MDGA2: variants seen among roughly 807,000 people sequenced by gnomAD.
MDGA2 encodes the protein MAM domain containing glycosylphosphatidylinositol anchor 2.
In MDGA2, 40 loss-of-function variants were observed where a neutral mutation model predicts 117.8. That is an observed-to-expected ratio of 0.34 (90% CI 0.26 to 0.44). MDGA2 has a LOEUF of 0.44. Among genes scored for constraint, MDGA2 ranks in the 20% least tolerant of loss-of-function variants. The pLI, the probability that MDGA2 is intolerant of heterozygous loss-of-function variation, is 1.00. For synonymous variants in MDGA2, 452 were observed against 439.0 expected (o/e 1.03, Z -0.37); for missense variants, 1,123 against 1,250.6 (o/e 0.90, Z 1.54).
At position 47,105,472 on chromosome 14, in the gene MDGA2, G is replaced by A. The variant is rs1046063564; in HGVS notation, c.926-8349C>T. On this transcript the variant is annotated intron_variant, in intron 5 of 16. Coordinates refer to ENST00000399232, the MANE Select transcript of MDGA2 (RefSeq NM_001113498.3). ...ATTCCTCCTTCTTCTCCCTTAGCCTGTGTTCTCAAAAACTTAAAACCTCTT... is the reference window on the plus strand; with the variant it reads ...ATTCCTCCTTCTTCTCCCTTAGCCTATGTTCTCAAAAACTTAAAACCTCTT... Among the ~76,000 whole-genome samples, 8 of 151,350 alleles carry A rather than the reference G, an allele frequency of 5.3e-5. No homozygotes were observed. The South Asian group carries it at 1.5e-3, about 28-fold the overall frequency.
At chr14:47,556,544 A>C (rs1566513267) in intron 1 of MDGA2, among the ~76,000 whole-genome samples, 2 of 152,224 alleles carry the variant, frequency 1.3e-5, no homozygotes, top group Non-Finnish European at 2.9e-5. Flanking sequence ...CCTTGAGCAG[A>C]ACAACAGAGA....
chr14:47,549,343 A>ATCTCTCTCTCTCTCTC (rs3039661), intron 1 of MDGA2, among the ~76,000 whole-genome samples: 15,708 of 139,742 alleles, frequency 0.11, 1,065 homozygotes, highest in Middle Eastern at 0.17. Context: ...CACCAGTATT[A>ATCTCTCTCTCTCTCTC]TCTCTCTCTC....
intron 7 of MDGA2, among the ~76,000 whole-genome samples, chr14:47,051,325 C>T (rs955337196): frequency 2.6e-5 from 4 of 151,734 alleles, no homozygotes; most frequent in African/African-American, 9.7e-5. Flanking sequence ...TTTTATGAAA[C>T]AAATATGTGG....
chr14:47,119,183 C>CCG (rs1555355028), intron 5 of MDGA2, among the ~76,000 whole-genome samples: 3 of 53,626 alleles, frequency 5.6e-5, no homozygotes, highest in South Asian at 9.8e-4. Flanking sequence ...CGCCCCCCCC[C>CCG]CCCCACCCCG....
rs17118389 is a variant in MDGA2, at chr14:47,354,624, C to T, written c.281-53074G>A. 3.3e-3 allele frequency among the ~76,000 whole-genome samples: 508 copies of T among 152,256 alleles called. 16 individuals carry two copies. In the East Asian group the frequency reaches 0.069, roughly 21 times the overall value. The stretch of plus-strand genomic sequence containing the variant: ...ATGAAAGGCTCTTTTCACCTCTCTT[C>T]GGGGAGGCACTGCTTTGAGAACTAT... On this transcript the variant is annotated intron_variant, in intron 1 of 16. Coordinates refer to ENST00000399232, the MANE Select transcript of MDGA2 (RefSeq NM_001113498.3).
intron 9 of MDGA2, among the ~76,000 whole-genome samples, chr14:46,952,745 C>T (rs1292355367): frequency 1.3e-5 from 2 of 151,828 alleles, no homozygotes; most frequent in Admixed American, 1.3e-4. Context: ...TGAAGAAAGG[C>T]AGAGTCCCAC....
At chr14:46,915,903 C>G (rs1201077031) in intron 10 of MDGA2, among the ~76,000 whole-genome samples, 1 of 152,172 alleles carries the variant, frequency 6.6e-6, no homozygotes, top group Non-Finnish European at 1.5e-5. Context: ...GAGGAGCTCA[C>G]AGGATCTTGG....
At chr14:47,638,103 AC>A (rs761340299) in intron 1 of MDGA2, among the ~76,000 whole-genome samples, 5 of 152,200 alleles carry the variant, frequency 3.3e-5, no homozygotes, top group Non-Finnish European at 7.3e-5. Flanking sequence ...CCTGACATCC[AC>A]AGTCAGAAAT....
chr14:47,233,683 C>T (rs943016731), intron 2 of MDGA2, among the ~76,000 whole-genome samples: 5 of 152,000 alleles, frequency 3.3e-5, no homozygotes, highest in African/African-American at 7.2e-5. Flanking sequence ...ACGCAAAGGG[C>T]GGGAAAACAA....
chr14:47,567,376 A>T lies in MDGA2; in HGVS notation c.280+107141T>A, dbSNP rs529933137. Among the ~76,000 whole-genome samples the T allele has an allele frequency of 3.3e-5, 5 of 152,322 alleles. No homozygotes were observed. In the East Asian group the frequency reaches 9.7e-4, roughly 29 times the overall value. ...ATGAGGAACATAACAACTGAAGGAA[A>T]AACACTTATCATACATTATCCTAGA... On this transcript the variant is annotated intron_variant, in intron 1 of 16. Transcript: ENST00000399232.
chr14:47,236,290 CAAAAAA>C (rs5808383), intron 2 of MDGA2, among the ~76,000 whole-genome samples: 2 of 67,252 alleles, frequency 3.0e-5, no homozygotes, highest in African/African-American at 6.0e-5. Flanking sequence ...GACTCCGCCT[CAAAAAA>C]AAAAAAAAAA....
Position 47,636,784 on chromosome 14 carries a change from C to CAAAA in MDGA2, c.280+37729_280+37732dup, listed in dbSNP as rs56313968. Among the ~76,000 whole-genome samples the CAAAA allele has an allele frequency of 1.6e-3, 73 of 45,990 alleles. 5 individuals are homozygous for CAAAA. The highest frequency in any genetic ancestry group is 1.8e-3 in the Non-Finnish European group (51 of 28,512). 30.2% of individuals were successfully genotyped at this position (45,990 alleles called of 152,430 possible). Reference sequence around the variant, plus strand: ...TGGGCGACAGAGCGAGACTCCGTCTCAAAAAAAAAAAAAAAAAAAAAAAAA... The same window carrying CAAAA: ...TGGGCGACAGAGCGAGACTCCGTCTCAAAAAAAAAAAAAAAAAAAAAAAAAAAAA... On this transcript the variant is annotated intron_variant, in intron 1 of 16. Transcript: ENST00000399232.
intron 1 of MDGA2, among the ~76,000 whole-genome samples, chr14:47,607,264 G>C (rs1896759694): frequency 6.6e-6 from 1 of 152,056 alleles, no homozygotes; most frequent in Admixed American, 6.6e-5. Flanking sequence ...TCAGCATGGG[G>C]AAAAGAAGAA....
At chr14:46,965,231 C>CT (rs1173550026) in intron 8 of MDGA2, among the ~76,000 whole-genome samples, 1 of 152,044 alleles carries the variant, frequency 6.6e-6, no homozygotes, top group Non-Finnish European at 1.5e-5. Flanking sequence ...CCTATATTTA[C>CT]TTTTTTATAG....
rs564198847 is a variant in MDGA2, at chr14:47,622,191, C to T, written c.280+52326G>A. Reference sequence around the variant, plus strand: ...TGCATTAAGTCAAAGTTAAAGGTAACGAAAAGGTAACCTGAAGAGAGCCAC... The same window carrying T: ...TGCATTAAGTCAAAGTTAAAGGTAATGAAAAGGTAACCTGAAGAGAGCCAC... On this transcript the variant is annotated intron_variant, in intron 1 of 16. Transcript: ENST00000399232. Among the ~76,000 whole-genome samples, 11 of 151,962 alleles carry T rather than the reference C, an allele frequency of 7.2e-5. No individual in the cohort carries two copies. The South Asian group carries it at 8.3e-4, about 12-fold the overall frequency.
Position 47,673,632 on chromosome 14 carries a change from ATGTGTGTGTG to A in MDGA2, c.280+875_280+884del, listed in dbSNP as rs10528657. Among the ~76,000 whole-genome samples the A allele has an allele frequency of 2.0e-3, 282 of 144,018 alleles. 2 individuals are homozygous for A. Among genetic ancestry groups the A allele is most frequent in the Middle Eastern group, 0.014 (4 of 288 alleles). The allele number at this position is 144,018 out of a possible 152,430, so 94.5% of individuals were successfully genotyped here. On this transcript the variant is annotated intron_variant, in intron 1 of 16. Coordinates refer to ENST00000399232, the MANE Select transcript of MDGA2 (RefSeq NM_001113498.3). ...TAGTCCACTATTAACTATGACCTGG[ATGTGTGTGTG>A]TGTGTGTGTGTGTGTGTGTGTGTGT...
chr14:47,039,475 T>G (rs933807288), intron 7 of MDGA2, among the ~76,000 whole-genome samples: 1 of 152,202 alleles, frequency 6.6e-6, no homozygotes, highest in African/African-American at 2.4e-5. Flanking sequence ...GTCATCATTT[T>G]ATCTTCTTGT....
At chr14:47,218,560 T>C (rs561561743) in intron 2 of MDGA2, among the ~76,000 whole-genome samples, 2 of 152,260 alleles carry the variant, frequency 1.3e-5, no homozygotes, top group East Asian at 3.9e-4. Flanking sequence ...TTCCAAACCT[T>C]GTGAGATAAT....
chr14:47,025,315 T>A (rs1006211950), intron 8 of MDGA2, among the ~76,000 whole-genome samples: 8 of 152,164 alleles, frequency 5.3e-5, no homozygotes, highest in Non-Finnish European at 1.5e-5. Flanking sequence ...AAATTGCTTC[T>A]GGATTTGAGA....
Sources: gnomAD v4.1 joint callset for allele counts (sites outside exome capture counted in the v4.1 genomes callset) on GRCh38, gnomAD v4.1.1 for gene constraint, MANE v1.5 for transcripts, NCBI Gene and HGNC (gene_info 2026-07-23, HGNC 2026-07-21) for gene names.